Variants in GALNT18 observed in about 807,000 individuals in gnomAD.
The protein encoded by GALNT18 is GalNAc-transferase 18.
In GALNT18, 44 loss-of-function variants were observed where a neutral mutation model predicts 69.5. The observed-to-expected ratio is 0.63, with a 90% CI of 0.50 to 0.81. GALNT18 has a LOEUF of 0.81. Ranked by LOEUF, GALNT18 falls within the 40% of genes least tolerant of loss-of-function variation. The pLI is 0.00. For synonymous variants in GALNT18, 364 were observed against 318.2 expected (o/e 1.14, Z -1.53); for missense variants, 715 against 810.0 (o/e 0.88, Z 1.42).
intron 9 of GALNT18, among the ~76,000 whole-genome samples, chr11:11,317,378 C>A (rs1224705045): frequency 3.9e-5 from 6 of 152,170 alleles, no homozygotes; most frequent in Non-Finnish European, 7.3e-5. Flanking sequence ...CACTGGGTCC[C>A]GTTATAAGTT....
intron 1 of GALNT18, among the ~76,000 whole-genome samples, chr11:11,578,166 G>A (rs539505413): frequency 4.6e-5 from 7 of 152,036 alleles, no homozygotes; most frequent in African/African-American, 1.7e-4. Flanking sequence ...GAACTCCCAC[G>A]AAGGCTGACA....
In GALNT18 at chr11:11,596,064, A is replaced by G. The variant is rs1207140919; in HGVS notation, c.235+25295T>C. Among the ~76,000 whole-genome samples the G allele has an allele frequency of 2.6e-5, 4 of 152,124 alleles. No individual in the cohort carries two copies. Among genetic ancestry groups the G allele is most frequent in the Non-Finnish European group, 4.4e-5 (3 of 68,010 alleles). On this transcript the variant is annotated intron_variant, in intron 1 of 10. Transcript: ENST00000227756. The surrounding 1 kb of genome is among the most constrained non-coding windows in gnomAD (Gnocchi z 4.2). ...ATCCATTTTGAGTTAGTTTTTGTGG[A>G]TAGAGTGAGATGGGGGACAACTTTA...
chr11:11,504,975 G>T (rs533628503), intron 1 of GALNT18, among the ~76,000 whole-genome samples: 152 of 152,254 alleles, frequency 1.0e-3, no homozygotes, highest in Middle Eastern at 3.4e-3. Flanking sequence ...TAGCTTCCCA[G>T]CTAAAGGAAG....
Position 11,523,622 on chromosome 11 carries a change from G to A in GALNT18, c.236-74686C>T, listed in dbSNP as rs1336432385. Among the ~76,000 whole-genome samples, 1 of 151,886 alleles carries A rather than the reference G, an allele frequency of 6.6e-6. No individual in the cohort carries two copies. The highest frequency in any genetic ancestry group is 1.5e-5 in the Non-Finnish European group (1 of 67,976). On this transcript the variant is annotated intron_variant, in intron 1 of 10. Coordinates refer to ENST00000227756, the MANE Select transcript of GALNT18 (RefSeq NM_198516.3). The surrounding 1 kb of genome is among the most constrained non-coding windows in gnomAD (Gnocchi z 4.3). The stretch of plus-strand genomic sequence containing the variant: ...TAGTCCCAGCTACTCGGGAGGCTGA[G>A]GCAGGAGAATGGTGAGAACCCGGGA...
At position 11,555,573 on chromosome 11, in the gene GALNT18, G is replaced by A. The variant is rs767340674; in HGVS notation, c.235+65786C>T. On this transcript the variant is annotated intron_variant, in intron 1 of 10. Transcript: ENST00000227756. The surrounding 1 kb of genome is among the most constrained non-coding windows in gnomAD (Gnocchi z 4.7). ...ACTTCTAATCTCCAGAACTATGAGA[G>A]AATAAATTCCTGTTGTTTTAAGCCA... 6.6e-6 allele frequency among the ~76,000 whole-genome samples: 1 copy of A among 152,218 alleles called. No individual in the cohort carries two copies. Among genetic ancestry groups the A allele is most frequent in the Non-Finnish European group, 1.5e-5 (1 of 68,040 alleles).
At chr11:11,495,100 A>C (rs1447317889) in intron 1 of GALNT18, among the ~76,000 whole-genome samples, 1 of 152,096 alleles carries the variant, frequency 6.6e-6, no homozygotes, top group Non-Finnish European at 1.5e-5. Context: ...ATGAGATGTG[A>C]ATCAAAAAGT....
chr11:11,351,208 C>T (rs1202315621), intron 6 of GALNT18, among the ~76,000 whole-genome samples: 1 of 152,166 alleles, frequency 6.6e-6, no homozygotes, highest in Non-Finnish European at 1.5e-5. Flanking sequence ...GAGGGAGCTG[C>T]AAGGGGCAGG....
intron 1 of GALNT18, among the ~76,000 whole-genome samples, chr11:11,594,897 C>G (rs1353428103): frequency 1.3e-4 from 18 of 134,628 alleles, no homozygotes; most frequent in African/African-American, 4.8e-4. Context: ...TCTACATATA[C>G]ACACAGATAC....
At chr11:11,406,651 A>T (rs541054113) in intron 3 of GALNT18, among the ~76,000 whole-genome samples, 2 of 152,384 alleles carry the variant, frequency 1.3e-5, no homozygotes, top group South Asian at 4.1e-4. Flanking sequence ...AAAATGCCAT[A>T]CAAGTCGGGG....
rs530584921 is a variant in GALNT18, at chr11:11,583,235, C to T, written c.235+38124G>A. On this transcript the variant is annotated intron_variant, in intron 1 of 10. Transcript: ENST00000227756. This position sits in a 1 kb window ranked among gnomAD's most constrained non-coding sequence, Gnocchi z 4.7. ...ACAAAGCCAATTCCACCCTGGTCTC[C>T]TATTTCTGGCAAGACCATCCTGGGG... Among the ~76,000 whole-genome samples the T allele has an allele frequency of 7.2e-5, 11 of 152,314 alleles. No homozygotes were observed. The highest frequency in any genetic ancestry group is 2.6e-4 in the African/African-American group (11 of 41,564).
chr11:11,283,798 G>A (rs537107391), intron 10 of GALNT18, among the ~76,000 whole-genome samples: 76 of 152,280 alleles, frequency 5.0e-4, no homozygotes, highest in South Asian at 1.0e-3. Flanking sequence ...AACCTGGCAG[G>A]AGAGAAGCCG....
At chr11:11,334,361 T>C (rs1850072864) in intron 7 of GALNT18, among the ~76,000 whole-genome samples, 1 of 151,826 alleles carries the variant, frequency 6.6e-6, no homozygotes, top group South Asian at 2.1e-4. Context: ...CCGAACATGG[T>C]GAAACCCCGT....
chr11:11,355,755 C>T lies in GALNT18; in HGVS notation c.1093-14751G>A, dbSNP rs546726512. 5.8e-4 allele frequency among the ~76,000 whole-genome samples: 89 copies of T among 152,226 alleles called. 1 individual carries two copies. The Middle Eastern group carries it at 0.01, about 17-fold the overall frequency. ...TTAAGCAAGTCATCAAGACCCTCACCTCCTGATGTGCAGCATTTGAAGCAG... is the reference window on the plus strand; with the variant it reads ...TTAAGCAAGTCATCAAGACCCTCACTTCCTGATGTGCAGCATTTGAAGCAG... On this transcript the variant is annotated intron_variant, in intron 6 of 10. Transcript: ENST00000227756.
chr11:11,440,816 AGGCAGT>A (rs1012219674), intron 2 of GALNT18, among the ~76,000 whole-genome samples: 3 of 152,248 alleles, frequency 2.0e-5, no homozygotes, highest in Non-Finnish European at 4.4e-5. Context: ...CCTATGTGTC[AGGCAGT>A]GGCCCATGAG....
chr11:11,528,355 T>C (rs1384910514), intron 1 of GALNT18, among the ~76,000 whole-genome samples: 1 of 151,866 alleles, frequency 6.6e-6, no homozygotes, highest in African/African-American at 2.4e-5. Context: ...TGTGGAAGAG[T>C]TTGGGCCTCT....
chr11:11,521,623 T>A (rs1372325026), intron 1 of GALNT18, among the ~76,000 whole-genome samples: 1 of 152,182 alleles, frequency 6.6e-6, no homozygotes, highest in Non-Finnish European at 1.5e-5. Flanking sequence ...AGTCCTCTTA[T>A]TCACTATCAG....
At chr11:11,479,061 T>A in intron 1 of GALNT18, among the ~76,000 whole-genome samples, 1 of 152,260 alleles carries the variant, frequency 6.6e-6, no homozygotes, top group Non-Finnish European at 1.5e-5. Flanking sequence ...CTTGGCTCTC[T>A]AGCCCTAGGC....
chr11:11,574,173 T>G (rs1382485167), intron 1 of GALNT18, among the ~76,000 whole-genome samples: 3 of 152,182 alleles, frequency 2.0e-5, no homozygotes, highest in African/African-American at 7.2e-5. Context: ...ACATGAGTGA[T>G]AGAGAGGTTA....
Position 11,511,779 on chromosome 11 carries a change from G to A in GALNT18, c.236-62843C>T, listed in dbSNP as rs905742047. 6.6e-6 allele frequency among the ~76,000 whole-genome samples: 1 copy of A among 152,052 alleles called. No homozygotes were observed. The highest frequency in any genetic ancestry group is 1.5e-5 in the Non-Finnish European group (1 of 68,012). ...TCCCAGTCTCTTTTTGCCATGTGAG[G>A]ATACAATGAGAAGTTGGCAGTAAAC... On this transcript the variant is annotated intron_variant, in intron 1 of 10. Coordinates refer to ENST00000227756, the MANE Select transcript of GALNT18 (RefSeq NM_198516.3). The surrounding 1 kb of genome is among the most constrained non-coding windows in gnomAD (Gnocchi z 4.9).
Sources: gnomAD v4.1 joint callset for allele counts (sites outside exome capture counted in the v4.1 genomes callset) on GRCh38, gnomAD v4.1.1 for gene constraint, Gnocchi (gnomAD v3.1) non-coding constraint, MANE v1.5 for transcripts, NCBI Gene and HGNC (gene_info 2026-07-23, HGNC 2026-07-21) for gene names.